MTPAP: variants seen among roughly 807,000 people sequenced by gnomAD.
MTPAP encodes poly(A) RNA polymerase, mitochondrial.
In MTPAP, 23 loss-of-function variants were observed where a neutral mutation model predicts 48.7. That is an observed-to-expected ratio of 0.47 (90% CI 0.34 to 0.67). The LOEUF (loss-of-function observed/expected upper bound fraction) is 0.67, where lower values mean the gene tolerates loss of function less well. Ranked by LOEUF, MTPAP falls within the 30% of genes least tolerant of loss-of-function variation. MTPAP has a pLI of 0.01. For synonymous variants in MTPAP, 257 were observed against 254.1 expected (o/e 1.01, Z -0.11); for missense variants, 614 against 694.3 (o/e 0.88, Z 1.30).
At position 30,340,363 on chromosome 10, in the gene MTPAP, T is replaced by C. The variant is rs781603464; in HGVS notation, c.418A>G (p.Thr140Ala). Residue 140 changes from threonine to alanine, a missense_variant, in exon 3 of 9, where the codon ACT becomes GCT. By Grantham distance (58) the Thr-to-Ala change is moderately conservative (BLOSUM62 0). Coordinates refer to ENST00000263063, the MANE Select transcript of MTPAP (RefSeq NM_018109.4). The stretch of plus-strand genomic sequence containing the variant: ...AAACGTGATCTGAATGGAATTGCAG[T>C]CTCCATGGCCGTGCTTGGAGTATGA... Reference protein sequence around the residue: ...GTHTPSTAMETAIPFRSRFFN... With the variant: ...GTHTPSTAMEAAIPFRSRFFN... 4 of 1,614,158 alleles carry C rather than the reference T, an allele frequency of 2.5e-6. No homozygotes were observed. The highest frequency in any genetic ancestry group is 8.5e-7 in the Non-Finnish European group (1 of 1,180,018).
rs746301548 is a variant in MTPAP, at chr10:30,341,644, T to C, written c.158-4A>G. On this transcript the variant is annotated splice_region_variant and splice_polypyrimidine_tract_variant and intron_variant, in intron 1 of 8. Transcript: ENST00000263063. ...TTGGGAATCTTGTCTTCAAAGCCTA[T>C]GAACGAGACAAAAACATTTCCACCA... is the stretch of plus-strand genomic sequence containing the variant. 2 of 1,613,714 alleles carry C rather than the reference T, an allele frequency of 1.2e-6. No homozygotes were observed. The highest frequency in any genetic ancestry group is 1.3e-5 in the African/African-American group (1 of 74,942).
At chr10:30,315,292 T>A (rs76254343) in intron 8 of MTPAP, among the ~76,000 whole-genome samples, 1 of 152,076 alleles carries the variant, frequency 6.6e-6, no homozygotes, top group African/African-American at 2.4e-5. Context: ...AGAAAGTATA[T>A]CTGGGTTTGT....
intron 1 of MTPAP, among the ~76,000 whole-genome samples, chr10:30,343,216 A>C (rs921973143): frequency 1.3e-5 from 2 of 152,022 alleles, no homozygotes; most frequent in African/African-American, 4.8e-5. Flanking sequence ...TGGGAGACGG[A>C]GGTGGGCGGA....
intron 5 of MTPAP, among the ~76,000 whole-genome samples, chr10:30,324,990 CAAAA>C (rs58151057): frequency 8.1e-6 from 1 of 123,010 alleles, no homozygotes. Context: ...GACTATGTCT[CAAAA>C]AAAAAAAAAG....
At chr10:30,316,250 T>C (rs1351052559) in intron 6 of MTPAP, 40 bp from the exon 7 acceptor site, 5 of 1,517,176 alleles carry the variant, frequency 3.3e-6, no homozygotes, top group Admixed American at 1.7e-5. Flanking sequence ...GTTTTTTTTT[T>C]TTCTTTGCCT....
intron 6 of MTPAP, among the ~76,000 whole-genome samples, chr10:30,319,766 G>A (rs1176425902): frequency 6.6e-6 from 1 of 152,172 alleles, no homozygotes; most frequent in East Asian, 1.9e-4. Context: ...GGCATTTATT[G>A]GCAATTCGCA....
chr10:30,328,881 G>C (rs1001459657), intron 4 of MTPAP, among the ~76,000 whole-genome samples: 12 of 152,178 alleles, frequency 7.9e-5, no homozygotes, highest in Non-Finnish European at 2.9e-5. Context: ...GACAGAGAGA[G>C]AGAGCAATAA....
intron 5 of MTPAP, among the ~76,000 whole-genome samples, chr10:30,323,087 C>T (rs1275551198): frequency 7.5e-6 from 1 of 133,002 alleles, no homozygotes; most frequent in Admixed American, 8.5e-5. Flanking sequence ...TGAGACCATA[C>T]CAGTGTACTC....
At chr10:30,344,876 A>C (rs961315290) in intron 1 of MTPAP, among the ~76,000 whole-genome samples, 1 of 151,954 alleles carries the variant, frequency 6.6e-6, no homozygotes, top group African/African-American at 2.4e-5. Context: ...GCTAATTTTT[A>C]TATTTTTAGT....
In MTPAP at chr10:30,313,963, C is replaced by T. The variant is rs1191295582; in HGVS notation, c.1395G>A (p.Glu465=). ...GAGGAGAAGAATCAGGTTTGTTTTG[C>T]TCCCTTCCCTATAGATTATTACACA... ...KNSINIRQGR[E]QNKPDSSPLY... is the part of the protein sequence containing the mutation. Residue 465 remains glutamate, a synonymous_variant, in exon 9 of 9, where the codon GAG becomes GAA. Coordinates refer to ENST00000263063, the MANE Select transcript of MTPAP (RefSeq NM_018109.4). The T allele has an allele frequency of 6.2e-7, 1 of 1,613,398 alleles. No homozygotes were observed. Among genetic ancestry groups the T allele is most frequent in the East Asian group, 2.2e-5 (1 of 44,874 alleles).
At chr10:30,322,310 C>T (rs545769102) in intron 6 of MTPAP, 81 bp downstream of exon 6, 32 of 1,187,926 alleles carry the variant, frequency 2.7e-5, no homozygotes, top group South Asian at 1.4e-4. Flanking sequence ...AACAAATAGA[C>T]GGGACTTTGG....
At chr10:30,327,094 T>A (rs1026559906) in intron 4 of MTPAP, among the ~76,000 whole-genome samples, 1 of 152,244 alleles carries the variant, frequency 6.6e-6, no homozygotes, top group East Asian at 1.9e-4. Flanking sequence ...GGCTTGTACA[T>A]AGGAATTTAA....
intron 5 of MTPAP, among the ~76,000 whole-genome samples, chr10:30,325,745 G>A (rs111696707): frequency 1.3e-5 from 2 of 152,004 alleles, no homozygotes; most frequent in African/African-American, 2.4e-5. Flanking sequence ...GTAAGACTCC[G>A]TCTCAAAAGT....
At chr10:30,337,172 C>T (rs960690559) in intron 3 of MTPAP, 145 bp from the exon 4 acceptor site, 47 of 779,530 alleles carry the variant, frequency 6.0e-5, no homozygotes, top group Non-Finnish European at 8.2e-5. Context: ...CGCCTGTAAT[C>T]CCAACATTTT....
chr10:30,338,530 C>G (rs1834758168), intron 3 of MTPAP, among the ~76,000 whole-genome samples: 1 of 151,934 alleles, frequency 6.6e-6, no homozygotes, highest in Non-Finnish European at 1.5e-5. Flanking sequence ...AAAAAATTAG[C>G]CAGGTGTGAT....
chr10:30,311,054 A>C lies in MTPAP; in HGVS notation c.*2555T>G, dbSNP rs1840587781. The C allele has an allele frequency of 6.6e-6, 1 of 152,220 alleles. No homozygotes were observed. The highest frequency in any genetic ancestry group is 2.4e-5 in the African/African-American group (1 of 41,468). The allele number at this position is 152,220 out of a possible 1,614,324, so 9.4% of individuals were successfully genotyped here. ...CCCATACACATACTTTATGTGCTTA[A>C]ATAACCATATTACACCTAGCACCAA... On this transcript the variant is annotated 3_prime_UTR_variant, in exon 9 of 9. Transcript: ENST00000263063.
At chr10:30,337,784 A>C (rs933449569) in intron 3 of MTPAP, among the ~76,000 whole-genome samples, 9 of 152,204 alleles carry the variant, frequency 5.9e-5, no homozygotes, top group African/African-American at 2.2e-4. Flanking sequence ...GACCAATGTT[A>C]AAGGGCAAGA....
chr10:30,323,595 C>T (rs1253706369), intron 5 of MTPAP, among the ~76,000 whole-genome samples: 10 of 152,126 alleles, frequency 6.6e-5, no homozygotes, highest in African/African-American at 1.7e-4. Flanking sequence ...CTGCAAGCTC[C>T]GACTCCTGGG....
rs1840597474 is a variant in MTPAP at position 30,311,904 on chromosome 10, T to C, written c.*1705A>G. Reference sequence around the variant, plus strand: ...GGCTCACGCCTGTAATTCCAACACTTTGGAAGGCCAAGGTGGGCGATCACC... The same window carrying C: ...GGCTCACGCCTGTAATTCCAACACTCTGGAAGGCCAAGGTGGGCGATCACC... On this transcript the variant is annotated 3_prime_UTR_variant, in exon 9 of 9. Transcript: ENST00000263063. The C allele has an allele frequency of 6.6e-6, 1 of 152,566 alleles. No individual in the cohort carries two copies. Among genetic ancestry groups the C allele is most frequent in the African/African-American group, 2.4e-5 (1 of 41,448 alleles). The allele number at this position is 152,566 out of a possible 1,614,324, so 9.5% of individuals were successfully genotyped here. A position where few individuals can be genotyped will look rare whatever the true frequency, so the allele number is the denominator to read the frequency against.
Sources: gnomAD v4.1 joint callset for allele counts (sites outside exome capture counted in the v4.1 genomes callset) on GRCh38, gnomAD v4.1.1 for gene constraint, MANE v1.5 for transcripts, NCBI Gene and HGNC (gene_info 2026-07-23, HGNC 2026-07-21) for gene names.